PCDH15: variants seen among roughly 807,000 people sequenced by gnomAD.
The protein encoded by PCDH15 is protocadherin related 15, also known as protocadherin-15.
A neutral mutation model predicts 178.5 loss-of-function variants in PCDH15; 129 were observed. The ratio of observed to expected loss-of-function variants is 0.72; its 90% CI spans 0.63 to 0.84. The LOEUF is 0.84. PCDH15 is among the 40% of genes least tolerant of loss of function. The pLI is 0.00. For missense variants in PCDH15, 2,230 were observed against 2,099.9 expected (o/e 1.06, Z -1.21); for synonymous variants, 800 against 732.0 (o/e 1.09, Z -1.50).
At chr10:55,413,791 AGTTAGCTC>A (rs1216921411) in intron 2 of PCDH15, among the ~76,000 whole-genome samples, 19 of 151,632 alleles carry the variant, frequency 1.3e-4, no homozygotes, top group Admixed American at 1.3e-3. Context: ...TCTGAATACA[AGTTAGCTC>A]GGAAATATTT....
At chr10:55,263,336 T>C (rs1250475528) in intron 1 of PCDH15, among the ~76,000 whole-genome samples, 1 of 152,162 alleles carries the variant, frequency 6.6e-6, no homozygotes, top group Non-Finnish European at 1.5e-5. Context: ...GCAATGTTAC[T>C]AGGTAAAATG....
intron 18 of PCDH15, among the ~76,000 whole-genome samples, chr10:54,057,549 C>T (rs1322255666): frequency 1.3e-5 from 2 of 151,982 alleles, no homozygotes; most frequent in Non-Finnish European, 2.9e-5. Flanking sequence ...CATGAGGATA[C>T]ACACAGCAGA....
intron 29 of PCDH15, among the ~76,000 whole-genome samples, chr10:53,835,257 A>G (rs1380367007): frequency 6.6e-6 from 1 of 152,238 alleles, no homozygotes; most frequent in East Asian, 1.9e-4. Context: ...AAGGCAGTGT[A>G]TAAAGTCTTT....
At chr10:55,175,701 AAAAAAG>A (rs1839466791) in intron 1 of PCDH15, among the ~76,000 whole-genome samples, 1 of 151,542 alleles carries the variant, frequency 6.6e-6, no homozygotes, top group Non-Finnish European at 1.5e-5. Flanking sequence ...AAAAGAAAAG[AAAAAAG>A]AAAAAGAAAA....
At chr10:54,570,005 T>A (rs112908954) in intron 2 of PCDH15, among the ~76,000 whole-genome samples, 4,659 of 151,842 alleles carry the variant, frequency 0.031, 95 homozygotes, top group Non-Finnish European at 0.048. Context: ...CAAATTTTCA[T>A]GAGGAATAGA....
At chr10:55,597,270 G>T (rs1026051792) in intron 2 of PCDH15, 15 of 151,922 alleles carry the variant, frequency 9.9e-5, no homozygotes, top group Admixed American at 9.9e-4. Context: ...ACGCACATAC[G>T]TACGTTCACG....
At chr10:54,010,515 C>T (rs1371201216) in intron 20 of PCDH15, among the ~76,000 whole-genome samples, 4 of 152,192 alleles carry the variant, frequency 2.6e-5, no homozygotes, top group Non-Finnish European at 5.9e-5. Flanking sequence ...GGCAGCATTA[C>T]AGAAAAGCAG....
rs374881189 is a variant in PCDH15, at chr10:54,448,822, C to T, written c.158-69880G>A. Among the ~76,000 whole-genome samples, 3 of 151,804 alleles carry T rather than the reference C, an allele frequency of 2.0e-5. No individual in the cohort carries two copies. The East Asian group carries it at 5.8e-4, about 29-fold the overall frequency. ...GCACTCATAGTGTCATTTAATCAAA[C>T]CCAGTTTCTATTTTTCTTCAACTTC... is the stretch of plus-strand genomic sequence containing the variant. On this transcript the variant is annotated intron_variant, in intron 3 of 37. Coordinates refer to ENST00000644397, the MANE Select transcript of PCDH15 (RefSeq NM_001384140.1).
chr10:55,094,511 T>G (rs1482346977), intron 2 of PCDH15, among the ~76,000 whole-genome samples: 2 of 152,020 alleles, frequency 1.3e-5, no homozygotes, highest in Non-Finnish European at 2.9e-5. Context: ...CTGCATGTTA[T>G]GCACATGTAC....
At chr10:55,137,958 G>A (rs939173005) in intron 2 of PCDH15, among the ~76,000 whole-genome samples, 6 of 152,084 alleles carry the variant, frequency 3.9e-5, no homozygotes, top group Non-Finnish European at 7.4e-5. Flanking sequence ...TTATGCTTTA[G>A]TATAATTCAA....
intron 2 of PCDH15, among the ~76,000 whole-genome samples, chr10:55,087,445 A>G (rs1842200389): frequency 6.6e-6 from 1 of 152,210 alleles, no homozygotes; most frequent in African/African-American, 2.4e-5. Flanking sequence ...TTCTGCTTAG[A>G]CATACCAGGT....
intron 2 of PCDH15, among the ~76,000 whole-genome samples, chr10:54,562,761 G>A (rs975482443): frequency 8.6e-5 from 13 of 151,892 alleles, no homozygotes; most frequent in African/African-American, 3.1e-4. Flanking sequence ...TGTATAGAGA[G>A]CTATATATTA....
intron 2 of PCDH15, among the ~76,000 whole-genome samples, chr10:54,988,603 CT>C (rs1336063958): frequency 6.6e-6 from 1 of 152,158 alleles, no homozygotes; most frequent in African/African-American, 2.4e-5. Context: ...CATTTTGCCC[CT>C]GCCCTAGAGA....
intron 2 of PCDH15, among the ~76,000 whole-genome samples, chr10:55,455,661 A>G (rs1378637933): frequency 6.6e-6 from 1 of 152,194 alleles, no homozygotes; most frequent in African/African-American, 2.4e-5. Flanking sequence ...CATAAGAATA[A>G]CATACTCTAA....
chr10:55,479,720 T>A (rs1449853720), intron 2 of PCDH15, among the ~76,000 whole-genome samples: 2 of 150,806 alleles, frequency 1.3e-5, no homozygotes, highest in Non-Finnish European at 3.0e-5. Flanking sequence ...AAATTATCCC[T>A]CTTTGCAGAC....
chr10:53,954,551 C>A (rs538288335), intron 23 of PCDH15, among the ~76,000 whole-genome samples: 1 of 152,308 alleles, frequency 6.6e-6, no homozygotes, highest in South Asian at 2.1e-4. Context: ...CAAATTTACA[C>A]TTTGCCATTA....
chr10:54,035,313 C>T (rs1442479279), intron 18 of PCDH15, among the ~76,000 whole-genome samples: 1 of 151,846 alleles, frequency 6.6e-6, no homozygotes, highest in East Asian at 1.9e-4. Context: ...GACAAAGATG[C>T]CTTAAGCAAA....
chr10:54,435,918 C>G (rs902941601), intron 3 of PCDH15, among the ~76,000 whole-genome samples: 5 of 151,014 alleles, frequency 3.3e-5, no homozygotes, highest in African/African-American at 1.2e-4. Context: ...TGCAGGGAGC[C>G]GAGATCGTGC....
intron 2 of PCDH15, among the ~76,000 whole-genome samples, chr10:55,588,925 T>G (rs1842780589): frequency 6.6e-6 from 1 of 151,670 alleles, no homozygotes; most frequent in East Asian, 1.9e-4. Flanking sequence ...CTACCAAAAA[T>G]ACAAAATTAG....
Sources: allele counts gnomAD v4.1 joint callset (sites outside exome capture counted in the v4.1 genomes callset), GRCh38; gene constraint gnomAD v4.1.1; transcripts MANE v1.5; gene names NCBI Gene and HGNC (gene_info 2026-07-23, HGNC 2026-07-21).